The following BBOF1 variants were observed in gnomAD, a reference collection of about 807,000 sequenced individuals.
BBOF1 encodes basal body orientation factor 1, also known as basal body-orientation factor 1.
Under a neutral mutation model 68.0 loss-of-function variants are expected in BBOF1, and 62 were observed. That is an observed-to-expected ratio of 0.91 (90% CI 0.74 to 1.13). The LOEUF is 1.13. Ranked by LOEUF, BBOF1 falls within the 50% of genes most tolerant of loss-of-function variation. The probability of loss-of-function intolerance (pLI) is 0.00; values close to 1 mark genes in which losing one functional copy is unlikely to be tolerated. For synonymous variants in BBOF1, 208 were observed against 198.8 expected (o/e 1.05, Z -0.39); for missense variants, 534 against 600.1 (o/e 0.89, Z 1.15).
At chr14:74,025,875 C>T (rs188514607) in intron 2 of BBOF1, among the ~76,000 whole-genome samples, 206 of 152,040 alleles carry the variant, frequency 1.4e-3, no homozygotes, top group African/African-American at 4.8e-3. Context: ...TGCCTGTAAT[C>T]CCAGCACTTT....
At chr14:74,043,878 T>C (rs568682615) in intron 5 of BBOF1, among the ~76,000 whole-genome samples, 7 of 152,074 alleles carry the variant, frequency 4.6e-5, no homozygotes, top group Non-Finnish European at 7.4e-5. Flanking sequence ...TCTGGAATGC[T>C]GTTCCTCCAG....
chr14:74,053,187 A>C (rs2060108382), intron 8 of BBOF1, among the ~76,000 whole-genome samples: 2 of 151,304 alleles, frequency 1.3e-5, no homozygotes, highest in Non-Finnish European at 1.5e-5. Flanking sequence ...ATCTTGGCTC[A>C]CTGCATCCTC....
chr14:74,036,072 T>C (rs2059691966), intron 4 of BBOF1, among the ~76,000 whole-genome samples: 1 of 152,022 alleles, frequency 6.6e-6, no homozygotes, highest in East Asian at 1.9e-4. Flanking sequence ...CTTTTTTTTT[T>C]TGAGATGGAG....
At chr14:74,019,669 A>G in intron 1 of BBOF1, 135 bp downstream of exon 1, 1 of 1,418,608 alleles carries the variant, frequency 7.0e-7, no homozygotes, top group Non-Finnish European at 9.5e-7. Context: ...TGAGGATTAC[A>G]GCTCCCATGT....
chr14:74,032,134 T>A lies in BBOF1; in HGVS notation c.352-1894T>A, dbSNP rs1014639510. Among the ~76,000 whole-genome samples the A allele has an allele frequency of 5.4e-5, 8 of 146,918 alleles. No homozygotes were observed. The East Asian group carries it at 6.0e-4, about 11-fold the overall frequency. On this transcript the variant is annotated intron_variant, in intron 3 of 11. Transcript: ENST00000394009. ...TCAAAGTTGATTTTTTTTTTTTTTTTTTTTTTTTTGAGACAGAGTCTCGCT... is the reference window on the plus strand; with the variant it reads ...TCAAAGTTGATTTTTTTTTTTTTTTATTTTTTTTTGAGACAGAGTCTCGCT...
At chr14:74,061,418 CAGCCTTCT>C (rs2060339462) in intron 11 of BBOF1, among the ~76,000 whole-genome samples, 1 of 152,132 alleles carries the variant, frequency 6.6e-6, no homozygotes, top group African/African-American at 2.4e-5. Context: ...TCTCCTGCCT[CAGCCTTCT>C]GAATAGCTGG....
intron 5 of BBOF1, among the ~76,000 whole-genome samples, chr14:74,044,351 G>T (rs1310617544): frequency 6.6e-6 from 1 of 151,980 alleles, no homozygotes; most frequent in South Asian, 2.1e-4. Flanking sequence ...ATTTATCACA[G>T]TCTATTAATT....
At chr14:74,040,699 AT>A in intron 5 of BBOF1, 54 bp downstream of exon 5, 1 of 998,974 alleles carries the variant, frequency 1.0e-6, no homozygotes, top group Non-Finnish European at 1.5e-6. Context: ...ACATAAGTGT[AT>A]TTATATGCAT....
At chr14:74,050,604 A>T (rs939898258) in intron 8 of BBOF1, among the ~76,000 whole-genome samples, 8 of 152,136 alleles carry the variant, frequency 5.3e-5, no homozygotes, top group Non-Finnish European at 1.0e-4. Flanking sequence ...TACGTTGCCC[A>T]GGCTGGTCTT....
chr14:74,028,558 T>C (rs1395806676), intron 2 of BBOF1, among the ~76,000 whole-genome samples: 4 of 148,204 alleles, frequency 2.7e-5, no homozygotes, highest in African/African-American at 1.0e-4. Flanking sequence ...TATGGGTGAA[T>C]AGTATGGGAA....
intron 9 of BBOF1, chr14:74,074,914 A>C: frequency 6.3e-7 from 1 of 1,589,892 alleles, no homozygotes; most frequent in Non-Finnish European, 8.6e-7. Flanking sequence ...ACTATACTGA[A>C]TTCCTTCTCA....
intron 10 of BBOF1, among the ~76,000 whole-genome samples, chr14:74,078,826 G>A (rs909244219): frequency 1.3e-5 from 2 of 151,774 alleles, no homozygotes; most frequent in Non-Finnish European, 2.9e-5. Flanking sequence ...ACTGCACCTG[G>A]CCACATTTTT....
chr14:74,072,341 C>A, intron 9 of BBOF1: 2 of 1,614,120 alleles, frequency 1.2e-6, no homozygotes, highest in Non-Finnish European at 1.7e-6. Context: ...CCTGAGGGAC[C>A]CGACCAATGA....
chr14:74,040,696 T>C (rs901750269), intron 5 of BBOF1, 51 bp downstream of exon 5: 2 of 1,022,294 alleles, frequency 2.0e-6, no homozygotes, highest in East Asian at 2.7e-5. Context: ...AGAACATAAG[T>C]GTATTTATAT....
At chr14:74,057,022 C>G in intron 10 of BBOF1, 42 bp downstream of exon 10, 1 of 1,581,692 alleles carries the variant, frequency 6.3e-7, no homozygotes, top group Non-Finnish European at 8.7e-7. Context: ...GAGCCCAACA[C>G]GATGGTTCTT....
intron 1 of BBOF1, among the ~76,000 whole-genome samples, chr14:74,020,455 CAGTG>C (rs148996221): frequency 0.015 from 2,247 of 152,148 alleles, 50 homozygotes; most frequent in African/African-American, 0.051. Context: ...TTTGTTTCTA[CAGTG>C]AGTATCAGTG....
At chr14:74,053,260 G>A (rs567960279) in intron 8 of BBOF1, among the ~76,000 whole-genome samples, 5 of 150,828 alleles carry the variant, frequency 3.3e-5, no homozygotes, top group South Asian at 2.1e-4. Flanking sequence ...TTACAGGTGC[G>A]TGCCACCATG....
chr14:74,035,086 T>C (rs2059664430), intron 4 of BBOF1, among the ~76,000 whole-genome samples: 1 of 151,816 alleles, frequency 6.6e-6, no homozygotes, highest in Non-Finnish European at 1.5e-5. Flanking sequence ...TAAGACCATG[T>C]CTCAAAAAAA....
chr14:74,081,644 A>C (rs4646858), intron 12 of BBOF1, among the ~76,000 whole-genome samples: 78,946 of 151,852 alleles, frequency 0.52, 21,208 homozygotes, highest in East Asian at 0.89. Flanking sequence ...TATCCTTTAT[A>C]AGGAACTCCT....
Sources: allele counts gnomAD v4.1 joint callset (sites outside exome capture counted in the v4.1 genomes callset), GRCh38; gene constraint gnomAD v4.1.1; transcripts MANE v1.5; gene names NCBI Gene and HGNC (gene_info 2026-07-23, HGNC 2026-07-21).